TXLNB: variants seen among roughly 807,000 people sequenced by gnomAD.
TXLNB encodes the protein taxilin beta.
In TXLNB, 37 loss-of-function variants were observed where a neutral mutation model predicts 57.4. The ratio of observed to expected loss-of-function variants is 0.64; its 90% CI spans 0.50 to 0.85. TXLNB has a LOEUF of 0.85. TXLNB is among the 40% of genes least tolerant of loss of function. TXLNB has a pLI of 0.00. For missense variants in TXLNB, 848 were observed against 825.6 expected, an observed-to-expected ratio of 1.03 and a Z score of -0.33; for synonymous variants, 302 against 309.6, an observed-to-expected ratio of 0.98 and a Z score of 0.26.
At chr6:139,183,802 T>A in the TXLNB span, among the ~76,000 whole-genome samples, 3 of 152,070 alleles carry the variant, frequency 2.0e-5, no homozygotes, top group East Asian at 5.8e-4. Context: ...TTCAACCCAC[T>A]GCTTATATAC....
chr6:139,253,150 A>C (rs1006756061), intron 7 of TXLNB, among the ~76,000 whole-genome samples: 22 of 152,238 alleles, frequency 1.4e-4, no homozygotes, highest in Admixed American at 1.4e-3. Flanking sequence ...TATATCGCCA[A>C]ACCTAGAACC....
At chr6:139,222,764 G>A in the TXLNB span, among the ~76,000 whole-genome samples, 13 of 152,074 alleles carry the variant, frequency 8.5e-5, no homozygotes, top group Non-Finnish European at 1.8e-4. Flanking sequence ...CCGAGATTGC[G>A]CCACTGCACT....
chr6:139,296,595 T>C (rs1248869802), upstream of TXLNB, among the ~76,000 whole-genome samples: 1 of 152,222 alleles, frequency 6.6e-6, no homozygotes, highest in African/African-American at 2.4e-5. Flanking sequence ...TTTTCGTCAT[T>C]GTTGCTCACC....
At chr6:139,180,950 TAAA>T in the TXLNB span, 16 of 152,084 alleles carry the variant, frequency 1.1e-4, no homozygotes, top group Admixed American at 3.3e-4. Flanking sequence ...CTGCAGCTAA[TAAA>T]AAAAACTGCC....
Position 139,288,671 on chromosome 6 carries a change from C to T in TXLNB, c.229G>A (p.Ala77Thr), listed in dbSNP as rs942540101. Reference protein sequence around the residue: ...INTYGSAASTAGKEGSARASE... With the variant: ...INTYGSAASTTGKEGSARASE... Reference sequence around the variant, plus strand: ...GCCCTGGCAGAGCCCTCTTTCCCTGCTGTGCTGGCAGCAGACCCATAAGTG... The same window carrying T: ...GCCCTGGCAGAGCCCTCTTTCCCTGTTGTGCTGGCAGCAGACCCATAAGTG... Residue 77 changes from alanine (A) to threonine (T), a missense_variant, in exon 2 of 10, where the codon GCA (alanine) becomes ACA (threonine). By Grantham distance (58) the Ala-to-Thr change is moderately conservative (BLOSUM62 0). Coordinates refer to ENST00000358430, the MANE Select transcript of TXLNB (RefSeq NM_153235.4). The T allele has an allele frequency of 1.2e-6, 2 of 1,614,082 alleles. No homozygotes were observed. The highest frequency in any genetic ancestry group is 1.3e-5 in the African/African-American group (1 of 74,938).
At chr6:139,165,226 A>G in the TXLNB span, among the ~76,000 whole-genome samples, 3 of 152,218 alleles carry the variant, frequency 2.0e-5, no homozygotes, top group African/African-American at 2.4e-5. Context: ...GGACTTATAC[A>G]TACATGTCCT....
chr6:139,179,854 A>C, the TXLNB span: 2 of 152,210 alleles, frequency 1.3e-5, no homozygotes, highest in Non-Finnish European at 2.9e-5. Flanking sequence ...TGTTCAGTAA[A>C]ATGAAGCAGT....
At chr6:139,163,430 C>G in the TXLNB span, among the ~76,000 whole-genome samples, 2 of 151,240 alleles carry the variant, frequency 1.3e-5, no homozygotes, top group Non-Finnish European at 2.9e-5. Flanking sequence ...TCTCTACTCA[C>G]TACAACCTTC....
the TXLNB span, chr6:139,183,170 C>T: frequency 6.6e-6 from 1 of 152,202 alleles, no homozygotes; most frequent in African/African-American, 2.4e-5. Context: ...AAACTGAGGC[C>T]CAAAGAAGTT....
At chr6:139,282,502 G>A (rs6906259) in intron 2 of TXLNB, among the ~76,000 whole-genome samples, 33,318 of 144,302 alleles carry the variant, frequency 0.23, 8,105 homozygotes, top group African/African-American at 0.47. Context: ...GCTTGAACCT[G>A]GGAGGTGGAA....
the TXLNB span, among the ~76,000 whole-genome samples, chr6:139,185,407 A>C: frequency 3.3e-5 from 5 of 152,224 alleles, no homozygotes; most frequent in African/African-American, 4.8e-5. Context: ...TTCAAAACAC[A>C]GGATAGAGTT....
chr6:139,210,868 G>A, the TXLNB span, among the ~76,000 whole-genome samples: 3 of 152,230 alleles, frequency 2.0e-5, no homozygotes, highest in South Asian at 4.1e-4. Context: ...CTACGCCCAC[G>A]GAGCCTCACT....
the TXLNB span, among the ~76,000 whole-genome samples, chr6:139,298,889 T>C: frequency 2.0e-5 from 3 of 152,162 alleles, no homozygotes; most frequent in Non-Finnish European, 4.4e-5. Context: ...CAAGAACTGA[T>C]TGCTAAAAAG....
chr6:139,217,238 T>TA, the TXLNB span, among the ~76,000 whole-genome samples: 2 of 152,106 alleles, frequency 1.3e-5, no homozygotes, highest in African/African-American at 4.8e-5. Context: ...ACACATTTAG[T>TA]ACTTGAAAAC....
chr6:139,174,444 A>G, the TXLNB span: 1 of 1,613,876 alleles, frequency 6.2e-7, no homozygotes, highest in South Asian at 1.1e-5. Flanking sequence ...TCACAAGATC[A>G]TCTGCATCAA....
the TXLNB span, among the ~76,000 whole-genome samples, chr6:139,189,215 G>A: frequency 5.9e-5 from 9 of 152,318 alleles, no homozygotes; most frequent in East Asian, 9.6e-4. Context: ...GAGGTGACAG[G>A]CGTATTCTGT....
At chr6:139,301,361 A>G in the TXLNB span, among the ~76,000 whole-genome samples, 94,007 of 152,008 alleles carry the variant, frequency 0.62, 29,214 homozygotes, top group Non-Finnish European at 0.65. Context: ...TGACCTTATT[A>G]GGGTGAAAAT....
the TXLNB span, among the ~76,000 whole-genome samples, chr6:139,163,437 C>T: frequency 6.6e-6 from 1 of 151,242 alleles, no homozygotes; most frequent in Non-Finnish European, 1.5e-5. Flanking sequence ...TCACTACAAC[C>T]TTCGTCTTCC....
At chr6:139,195,162 T>G in the TXLNB span, among the ~76,000 whole-genome samples, 3 of 152,196 alleles carry the variant, frequency 2.0e-5, no homozygotes, top group Admixed American at 6.6e-5. Context: ...TCCCCCATCT[T>G]GAATGCCAGC....
Sources: allele counts gnomAD v4.1 joint callset (sites outside exome capture counted in the v4.1 genomes callset), GRCh38; gene constraint gnomAD v4.1.1; transcripts MANE v1.5; gene names NCBI Gene and HGNC (gene_info 2026-07-23, HGNC 2026-07-21).